Variants in TRHDE observed in about 807,000 individuals in gnomAD.
The protein encoded by TRHDE is thyrotropin-releasing hormone-degrading ectoenzyme.
A neutral mutation model predicts 125.7 loss-of-function variants in TRHDE; 72 were observed. That is an observed-to-expected ratio of 0.57 (90% CI 0.47 to 0.70). The LOEUF (loss-of-function observed/expected upper bound fraction) is 0.70. Among genes scored for constraint, TRHDE ranks in the 30% least tolerant of loss-of-function variants. The pLI, the probability that TRHDE is intolerant of heterozygous loss-of-function variation, is 0.00. For missense variants in TRHDE, 1,110 were observed against 1,327.1 expected (o/e 0.84, Z 2.54); for synonymous variants, 509 against 509.1 (o/e 1.00, Z 0.00).
intron 6 of TRHDE, among the ~76,000 whole-genome samples, chr12:72,535,244 T>A (rs1448134812): frequency 6.6e-6 from 1 of 152,166 alleles, no homozygotes; most frequent in Admixed American, 6.6e-5. Flanking sequence ...TATGTTCTAA[T>A]TGTAGATACT....
chr12:72,532,444 A>G (rs1296811783), intron 6 of TRHDE, among the ~76,000 whole-genome samples: 3 of 151,166 alleles, frequency 2.0e-5, no homozygotes, highest in Non-Finnish European at 4.4e-5. Flanking sequence ...ATTTTATTAT[A>G]CTTTTGAATA....
rs1394854201 is a variant in TRHDE at position 72,238,310 on chromosome 12, A to ACACAT, written n.279+132558_279+132559insCACAT. Among the ~76,000 whole-genome samples the ACACAT allele has an allele frequency of 7.2e-4, 25 of 34,800 alleles. 2 individuals carry two copies. The East Asian group carries it at 0.015, about 20-fold the overall frequency. 22.8% of individuals were successfully genotyped at this position (34,800 alleles called of 152,430 possible). Reference sequence around the variant, plus strand: ...TATATATATATATATATATATATATATATATATATATACATATATATATAC... The same window carrying ACACAT: ...TATATATATATATATATATATATATACACATTATATATATATACATATATATATAC... On this transcript the variant is annotated intron_variant and non_coding_transcript_variant, in intron 2 of 4. Transcript: ENST00000548156.
chr12:72,359,013 G>GTT (rs1870945943), intron 2 of TRHDE, among the ~76,000 whole-genome samples: 2 of 151,440 alleles, frequency 1.3e-5, no homozygotes, highest in Non-Finnish European at 3.0e-5. Context: ...GCATGTTTAG[G>GTT]TATGTTTCAC....
At chr12:72,521,932 G>T (rs554517369) in intron 6 of TRHDE, among the ~76,000 whole-genome samples, 47 of 152,284 alleles carry the variant, frequency 3.1e-4, no homozygotes, top group Admixed American at 1.6e-3. Flanking sequence ...TGGTGGTAGG[G>T]TTAGGGAAAA....
chr12:72,499,717 TC>T, intron 6 of TRHDE, 82 bp downstream of exon 6: 1 of 1,512,360 alleles, frequency 6.6e-7, no homozygotes, highest in Non-Finnish European at 9.0e-7. Flanking sequence ...TATGTATTTT[TC>T]TTTTTTTCCG....
At chr12:72,243,231 G>A (rs765363947) in intron 2 of TRHDE, among the ~76,000 whole-genome samples, 3 of 152,162 alleles carry the variant, frequency 2.0e-5, no homozygotes, top group Non-Finnish European at 2.9e-5. Flanking sequence ...CTTTTTTGAG[G>A]TTTGGGGTTT....
chr12:72,625,572 T>C (rs1007108382), intron 15 of TRHDE, among the ~76,000 whole-genome samples: 1 of 152,000 alleles, frequency 6.6e-6, no homozygotes, highest in Non-Finnish European at 1.5e-5. Flanking sequence ...ATAGCATTAC[T>C]AGTATTGTCT....
chr12:72,158,020 C>A (rs1261269813), intron 2 of TRHDE, among the ~76,000 whole-genome samples: 1 of 151,988 alleles, frequency 6.6e-6, no homozygotes, highest in Non-Finnish European at 1.5e-5. Flanking sequence ...ATCAGTGTGT[C>A]AAATAGTGCT....
rs931802933 is a variant in TRHDE at position 72,665,903 on chromosome 12, T to C, written c.*2708T>C. 3 of 152,078 alleles carry C rather than the reference T, an allele frequency of 2.0e-5. No individual in the cohort carries two copies. Among genetic ancestry groups the C allele is most frequent in the Admixed American group, 2.0e-4 (3 of 15,252 alleles). The allele number at this position is 152,078 out of a possible 1,614,324, so 9.4% of individuals were successfully genotyped here. A position where few individuals can be genotyped will look rare whatever the true frequency, so the allele number is the denominator to read the frequency against. ...TCTATAATCTTTGAAGTTTCTAAAA[T>C]ACACAATCTCAACCTCTAAGACTAA... On this transcript the variant is annotated 3_prime_UTR_variant, in exon 19 of 19. Transcript: ENST00000261180.
In TRHDE at chr12:72,341,725, G is replaced by T. The variant is rs535128245; in HGVS notation, c.1189-36270G>T. ...ATGGGTAGAGCTTAGCAATAGCAAC[G>T]ACAGAGTCAAAGGGCAGTATTTGAA... On this transcript the variant is annotated intron_variant, in intron 2 of 18. Coordinates refer to ENST00000261180, the MANE Select transcript of TRHDE (RefSeq NM_013381.3). Among the ~76,000 whole-genome samples the T allele has an allele frequency of 4.6e-5, 7 of 152,176 alleles. No homozygotes were observed. The South Asian group carries it at 1.4e-3, about 32-fold the overall frequency.
chr12:72,331,195 C>G (rs1869577972), intron 2 of TRHDE, among the ~76,000 whole-genome samples: 2 of 151,244 alleles, frequency 1.3e-5, no homozygotes, highest in Non-Finnish European at 3.0e-5. Flanking sequence ...AGTCAAAAGA[C>G]TTACCCAAAG....
At chr12:72,238,743 A>G (rs1878414787) in intron 2 of TRHDE, among the ~76,000 whole-genome samples, 1 of 152,232 alleles carries the variant, frequency 6.6e-6, no homozygotes, top group Admixed American at 6.5e-5. Flanking sequence ...TTATGGCCGC[A>G]TAGTATTCCA....
chr12:72,199,568 G>T (rs1877515113), intron 2 of TRHDE, among the ~76,000 whole-genome samples: 1 of 152,180 alleles, frequency 6.6e-6, no homozygotes, highest in South Asian at 2.1e-4. Context: ...AATTTGAAAA[G>T]CTGTAGATGC....
Position 72,378,126 on chromosome 12 carries a change from G to A in TRHDE, c.1315+5G>A. The A allele has an allele frequency of 6.4e-7, 1 of 1,565,786 alleles. No homozygotes were observed. The highest frequency in any genetic ancestry group is 8.6e-7 in the Non-Finnish European group (1 of 1,164,322). ...CCTATTCCTTGCCAAAACTAGGTAA[G>A]AATTTTCTTGGTTATTTTATTGGAA... On this transcript the variant is annotated splice_donor_5th_base_variant and intron_variant, in intron 3 of 18. Coordinates refer to ENST00000261180, the MANE Select transcript of TRHDE (RefSeq NM_013381.3).
chr12:72,195,085 C>T (rs1262527802), intron 2 of TRHDE, among the ~76,000 whole-genome samples: 1 of 151,982 alleles, frequency 6.6e-6, no homozygotes, highest in Non-Finnish European at 1.5e-5. Flanking sequence ...GGAGAAATGC[C>T]AAGCAAACGG....
intron 2 of TRHDE, among the ~76,000 whole-genome samples, chr12:72,358,108 T>C (rs957149910): frequency 6.6e-6 from 1 of 151,632 alleles, no homozygotes; most frequent in Non-Finnish European, 1.5e-5. Flanking sequence ...TATAAGGAGA[T>C]AGTGTAAAAG....
intron 5 of TRHDE, among the ~76,000 whole-genome samples, chr12:72,476,594 C>T (rs1876904744): frequency 6.6e-6 from 1 of 152,124 alleles, no homozygotes; most frequent in South Asian, 2.1e-4. Context: ...ATAGAAAAAC[C>T]AGAAGTCAGG....
intron 15 of TRHDE, among the ~76,000 whole-genome samples, chr12:72,631,446 AG>A (rs1232414212): frequency 2.6e-5 from 4 of 151,870 alleles, no homozygotes; most frequent in African/African-American, 9.7e-5. Flanking sequence ...TATTTAAGTG[AG>A]TATCCTTTGT....
chr12:72,186,051 AAG>A (rs1178815849), intron 2 of TRHDE: 1 of 152,358 alleles, frequency 6.6e-6, no homozygotes, highest in African/African-American at 2.4e-5. Flanking sequence ...GGGGCCAGAT[AAG>A]AGAATAAAAG....
Sources: allele counts gnomAD v4.1 joint callset (sites outside exome capture counted in the v4.1 genomes callset), GRCh38; gene constraint gnomAD v4.1.1; transcripts MANE v1.5; gene names NCBI Gene and HGNC (gene_info 2026-07-23, HGNC 2026-07-21).